Variants in DGKB observed in about 807,000 individuals in gnomAD.
DGKB encodes 90 kDa diacylglycerol kinase.
In DGKB, 67 loss-of-function variants were observed where a neutral mutation model predicts 114.3. The observed-to-expected ratio is 0.59, with a 90% CI of 0.48 to 0.72. The LOEUF (loss-of-function observed/expected upper bound fraction) is 0.72. Ranked by LOEUF, DGKB falls within the 30% of genes least tolerant of loss-of-function variation. The probability of loss-of-function intolerance (pLI) is 0.00; values close to 1 mark genes in which losing one functional copy is unlikely to be tolerated. For missense variants in DGKB, 907 were observed against 975.2 expected (o/e 0.93, Z 0.93); for synonymous variants, 398 against 323.1 (o/e 1.23, Z -2.49).
At chr7:14,762,394 A>C (rs1015670402) in intron 2 of DGKB, among the ~76,000 whole-genome samples, 1 of 152,114 alleles carries the variant, frequency 6.6e-6, no homozygotes, top group African/African-American at 2.4e-5. Flanking sequence ...ATGCCATGAG[A>C]GTTAAATGAA....
intron 23 of DGKB, among the ~76,000 whole-genome samples, chr7:14,305,566 A>G (rs1201808472): frequency 6.6e-6 from 1 of 152,136 alleles, no homozygotes; most frequent in Non-Finnish European, 1.5e-5. Context: ...TCAGGGCTGG[A>G]ATTCAAAGCA....
chr7:14,510,451 A>G (rs1016630514), intron 20 of DGKB, among the ~76,000 whole-genome samples: 2 of 151,828 alleles, frequency 1.3e-5, no homozygotes, highest in African/African-American at 4.8e-5. Flanking sequence ...CCATTCATTC[A>G]TTTTTTCATG....
chr7:14,752,471 T>G (rs180845946), intron 4 of DGKB, among the ~76,000 whole-genome samples: 1 of 152,056 alleles, frequency 6.6e-6, no homozygotes, highest in African/African-American at 2.4e-5. Context: ...CCAAGGAACA[T>G]CTACTGACAG....
chr7:14,913,140 T>C (rs1270527127), intron 1 of DGKB, among the ~76,000 whole-genome samples: 1 of 152,080 alleles, frequency 6.6e-6, no homozygotes, highest in African/African-American at 2.4e-5. Flanking sequence ...TTCATACTAC[T>C]GTCCTGTCAG....
chr7:14,419,855 C>T (rs1583805236), intron 21 of DGKB, among the ~76,000 whole-genome samples: 1 of 152,016 alleles, frequency 6.6e-6, no homozygotes, highest in African/African-American at 2.4e-5. Flanking sequence ...CCTTGTGTTC[C>T]ATATGGTCCA....
chr7:14,342,961 T>C (rs1811854593), intron 22 of DGKB, among the ~76,000 whole-genome samples: 1 of 151,904 alleles, frequency 6.6e-6, no homozygotes. Context: ...TTTATTCTGT[T>C]ATATATTTTT....
intron 21 of DGKB, among the ~76,000 whole-genome samples, chr7:14,387,881 CTTTTTTTT>C (rs11448628): frequency 4.2e-5 from 5 of 117,876 alleles, no homozygotes; most frequent in African/African-American, 1.1e-4. Context: ...GTGTCCTTTT[CTTTTTTTT>C]TTTTTTTTTT....
chr7:14,542,981 G>C (rs1173637159), intron 20 of DGKB, among the ~76,000 whole-genome samples: 1 of 152,202 alleles, frequency 6.6e-6, no homozygotes, highest in East Asian at 1.9e-4. Flanking sequence ...TAAAGGGAAA[G>C]ATATGGATAT....
upstream of DGKB, among the ~76,000 whole-genome samples, chr7:14,904,232 A>T (rs1417462413): frequency 6.6e-6 from 1 of 152,014 alleles, no homozygotes; most frequent in Non-Finnish European, 1.5e-5. Flanking sequence ...ACACACACAC[A>T]CACACATCAC....
At chr7:14,829,355 G>A (rs1443062979) in intron 2 of DGKB, among the ~76,000 whole-genome samples, 1 of 152,128 alleles carries the variant, frequency 6.6e-6, no homozygotes, top group Non-Finnish European at 1.5e-5. Context: ...AGTACCATGA[G>A]AAAATTTTCA....
At chr7:14,162,219 T>C (rs991446598) in intron 25 of DGKB, among the ~76,000 whole-genome samples, 2 of 152,184 alleles carry the variant, frequency 1.3e-5, no homozygotes, top group Admixed American at 6.5e-5. Context: ...TGTGAGTCTA[T>C]AGTCTGTATC....
chr7:14,842,974 G>A (rs929865964), intron 1 of DGKB, among the ~76,000 whole-genome samples: 39 of 152,192 alleles, frequency 2.6e-4, no homozygotes, highest in Non-Finnish European at 4.7e-4. Context: ...CTGGGAGGCT[G>A]AGGCAGGAGG....
chr7:14,665,122 T>C (rs1298317206), intron 13 of DGKB, among the ~76,000 whole-genome samples: 2 of 152,004 alleles, frequency 1.3e-5, no homozygotes. Context: ...ATAATTCCAA[T>C]TTATCAATAT....
intron 23 of DGKB, among the ~76,000 whole-genome samples, chr7:14,222,814 CTTTAT>C (rs1442468214): frequency 1.3e-5 from 2 of 151,194 alleles, no homozygotes; most frequent in Non-Finnish European, 3.0e-5. Context: ...TCATTTTTTG[CTTTAT>C]TTTGATTTTC....
intron 21 of DGKB, among the ~76,000 whole-genome samples, chr7:14,451,027 C>A (rs926987462): frequency 7.2e-5 from 11 of 152,002 alleles, no homozygotes; most frequent in African/African-American, 2.7e-4. Context: ...GTAAGATGCC[C>A]AGAGACCAGG....
chr7:14,874,848 C>T (rs1853034176), intron 1 of DGKB, among the ~76,000 whole-genome samples: 1 of 152,068 alleles, frequency 6.6e-6, no homozygotes, highest in African/African-American at 2.4e-5. Context: ...ACATAGTCCC[C>T]TGCATGTAAA....
intron 23 of DGKB, among the ~76,000 whole-genome samples, chr7:14,279,972 C>T (rs1475749614): frequency 2.0e-5 from 3 of 152,172 alleles, no homozygotes; most frequent in Non-Finnish European, 2.9e-5. Context: ...TCCAAAGGAA[C>T]GCAGCTCCTC....
At chr7:14,463,963 T>A (rs192879768) in intron 21 of DGKB, among the ~76,000 whole-genome samples, 40 of 151,894 alleles carry the variant, frequency 2.6e-4, no homozygotes, top group Admixed American at 1.4e-3. Flanking sequence ...CTATAATAAC[T>A]GAGAATAAAA....
At chr7:14,883,263 C>T (rs538826155) in intron 1 of DGKB, among the ~76,000 whole-genome samples, 2 of 151,714 alleles carry the variant, frequency 1.3e-5, no homozygotes, top group African/African-American at 2.4e-5. Flanking sequence ...ACAATATATA[C>T]CTATATATTT....
Sources: allele counts gnomAD v4.1 joint callset (sites outside exome capture counted in the v4.1 genomes callset), GRCh38; gene constraint gnomAD v4.1.1; transcripts MANE v1.5; gene names NCBI Gene and HGNC (gene_info 2026-07-23, HGNC 2026-07-21).